Variants in TMEM132B observed in about 807,000 individuals in gnomAD.
TMEM132B encodes the protein transmembrane protein 132B.
Under a neutral mutation model 90.8 loss-of-function variants are expected in TMEM132B, and 18 were observed. The ratio of observed to expected loss-of-function variants is 0.20; its 90% CI spans 0.14 to 0.29. The LOEUF (loss-of-function observed/expected upper bound fraction) is 0.29, where lower values mean the gene tolerates loss of function less well. TMEM132B is among the 10% of genes least tolerant of loss of function. The pLI, the probability that TMEM132B is intolerant of heterozygous loss-of-function variation, is 1.00. For missense variants in TMEM132B, 1,096 were observed against 1,326.8 expected (o/e 0.83, Z 2.70); for synonymous variants, 504 against 523.3 (o/e 0.96, Z 0.50).
At chr12:125,624,534 A>C (rs1886183453) in intron 5 of TMEM132B, among the ~76,000 whole-genome samples, 1 of 152,164 alleles carries the variant, frequency 6.6e-6, no homozygotes, top group Non-Finnish European at 1.5e-5. Context: ...TACAAAGGTG[A>C]CTGGGGATTC....
intron 2 of TMEM132B, among the ~76,000 whole-genome samples, chr12:125,352,712 C>T (rs1012096858): frequency 2.6e-5 from 4 of 152,250 alleles, no homozygotes; most frequent in African/African-American, 9.6e-5. Flanking sequence ...CCTTGCTTTA[C>T]AGATGCAAAG....
intron 1 of TMEM132B, among the ~76,000 whole-genome samples, chr12:125,347,551 G>C (rs1877402881): frequency 6.6e-6 from 1 of 152,214 alleles, no homozygotes; most frequent in South Asian, 2.1e-4. Flanking sequence ...ATATTTTGCA[G>C]AATTTTTAAT....
rs538764203 is a variant in TMEM132B at position 125,481,657 on chromosome 12, C to T, written c.1107-37782C>T. Among the ~76,000 whole-genome samples, 711 of 152,216 alleles carry T rather than the reference C, an allele frequency of 4.7e-3. 7 individuals are homozygous for T. Among genetic ancestry groups the T allele is most frequent in the African/African-American group, 0.015 (634 of 41,546 alleles). The stretch of plus-strand genomic sequence containing the variant: ...GCTTATGGATAGGAAGAATCAATAT[C>T]GTGAAAATGGCCATACTGCCCAAGG... On this transcript the variant is annotated intron_variant, in intron 3 of 8. Transcript: ENST00000682704.
At chr12:125,487,130 T>C (rs1404559474) in intron 3 of TMEM132B, among the ~76,000 whole-genome samples, 1 of 152,210 alleles carries the variant, frequency 6.6e-6, no homozygotes, top group Non-Finnish European at 1.5e-5. Context: ...ATGAACCCAT[T>C]ATTCGATAGC....
intron 1 of TMEM132B, among the ~76,000 whole-genome samples, chr12:125,272,043 C>T (rs1874852103): frequency 6.6e-6 from 1 of 152,022 alleles, no homozygotes; most frequent in Non-Finnish European, 1.5e-5. Flanking sequence ...GGCTCTCAGA[C>T]AGAGACCTGC....
chr12:125,462,225 A>G (rs987068642), intron 3 of TMEM132B, among the ~76,000 whole-genome samples: 1 of 152,214 alleles, frequency 6.6e-6, no homozygotes, highest in Non-Finnish European at 1.5e-5. Flanking sequence ...TGGATTTCAA[A>G]CTGATTGACC....
At chr12:125,441,369 G>A (rs1183051506) in intron 3 of TMEM132B, among the ~76,000 whole-genome samples, 3 of 152,172 alleles carry the variant, frequency 2.0e-5, no homozygotes, top group African/African-American at 7.2e-5. Context: ...AGGTTTCCAA[G>A]TTGAAAGAAA....
At chr12:125,541,102 A>G (rs532043817) in intron 4 of TMEM132B, among the ~76,000 whole-genome samples, 11 of 152,344 alleles carry the variant, frequency 7.2e-5, no homozygotes, top group Middle Eastern at 6.8e-3. Context: ...TCACCTGGTA[A>G]GAGCGGCCTT....
At chr12:125,638,445 C>T (rs1423442839) in intron 5 of TMEM132B, among the ~76,000 whole-genome samples, 1 of 152,156 alleles carries the variant, frequency 6.6e-6, no homozygotes, top group East Asian at 1.9e-4. Context: ...AGACACAGTA[C>T]ACTTCACTAA....
intron 5 of TMEM132B, among the ~76,000 whole-genome samples, chr12:125,598,187 A>C (rs1885489243): frequency 6.6e-6 from 1 of 152,220 alleles, no homozygotes; most frequent in Admixed American, 6.5e-5. Flanking sequence ...TTGCCTTGAC[A>C]CAGCAATTAC....
In TMEM132B at chr12:125,654,530, A is replaced by G; in HGVS notation, c.3072A>G (p.Pro1024=). ...IKNEPMNSSG[P]KRKRVKFTSY... ...ATGAACCTATGAATTCTTCGGGCCCAAAGAGGAAGAGAGTCAAGTTCACTT... is the reference window on the plus strand; with the variant it reads ...ATGAACCTATGAATTCTTCGGGCCCGAAGAGGAAGAGAGTCAAGTTCACTT... Residue 1024 remains proline, a synonymous_variant, in exon 9 of 9, where the codon CCA becomes CCG. Coordinates refer to ENST00000682704, the MANE Select transcript of TMEM132B (RefSeq NM_001366854.1). The surrounding 1 kb of genome is among the most constrained non-coding windows in gnomAD (Gnocchi z 5.8). The G allele has an allele frequency of 6.2e-6, 10 of 1,614,146 alleles. No homozygotes were observed. Among genetic ancestry groups the G allele is most frequent in the Non-Finnish European group, 8.5e-6 (10 of 1,180,046 alleles).
chr12:125,211,370 C>T (rs1369361018), intron 1 of TMEM132B, among the ~76,000 whole-genome samples: 1 of 152,296 alleles, frequency 6.6e-6, no homozygotes, highest in South Asian at 2.1e-4. Flanking sequence ...AATATGTGTT[C>T]CCCAGTCATC....
chr12:125,327,120 C>T (rs1371967475), intron 1 of TMEM132B, among the ~76,000 whole-genome samples: 4 of 152,084 alleles, frequency 2.6e-5, no homozygotes, highest in Non-Finnish European at 4.4e-5. Flanking sequence ...CTCTTTTTCC[C>T]ACTCTGCATG....
chr12:125,656,007 A>G lies in TMEM132B; in HGVS notation c.*1297A>G, dbSNP rs911888501. ...CTATTCCAGAACTCAAGAAGCAGCT[A>G]TTATAGAAAAAAAAATTAAAAACCA... On this transcript the variant is annotated 3_prime_UTR_variant, in exon 9 of 9. Coordinates refer to ENST00000682704, the MANE Select transcript of TMEM132B (RefSeq NM_001366854.1). 3 of 151,938 alleles carry G rather than the reference A, an allele frequency of 2.0e-5. No individual in the cohort carries two copies. Among genetic ancestry groups the G allele is most frequent in the African/African-American group, 4.8e-5 (2 of 41,424 alleles). The allele number at this position is 151,938 out of a possible 1,614,324, so 9.4% of individuals were successfully genotyped here. A position where few individuals can be genotyped will look rare whatever the true frequency, so the allele number is the denominator to read the frequency against.
intron 1 of TMEM132B, among the ~76,000 whole-genome samples, chr12:125,210,202 G>C (rs1873288867): frequency 6.6e-6 from 1 of 152,158 alleles, no homozygotes; most frequent in Admixed American, 6.5e-5. Context: ...TCATAGATTG[G>C]GTGGTCTGAG....
At chr12:125,617,754 A>G (rs750554015) in intron 5 of TMEM132B, among the ~76,000 whole-genome samples, 1 of 152,108 alleles carries the variant, frequency 6.6e-6, no homozygotes, top group Non-Finnish European at 1.5e-5. Flanking sequence ...GTTTCTAATA[A>G]TGCCCCGGGG....
Position 125,498,697 on chromosome 12 carries a change from C to G in TMEM132B, c.1107-20742C>G, listed in dbSNP as rs916515253. ...CAGCTTACACTCCAGGCTGCGGGGTCCTTGGAACACATTTATTTACTTTGG... is the reference window on the plus strand; with the variant it reads ...CAGCTTACACTCCAGGCTGCGGGGTGCTTGGAACACATTTATTTACTTTGG... On this transcript the variant is annotated intron_variant, in intron 3 of 8. Transcript: ENST00000682704. The surrounding 1 kb of genome is among the most constrained non-coding windows in gnomAD (Gnocchi z 4.5). Among the ~76,000 whole-genome samples the G allele has an allele frequency of 1.3e-5, 2 of 152,176 alleles. No individual in the cohort carries two copies. Among genetic ancestry groups the G allele is most frequent in the African/African-American group, 4.8e-5 (2 of 41,440 alleles).
intron 4 of TMEM132B, among the ~76,000 whole-genome samples, chr12:125,539,658 T>C (rs1883902857): frequency 6.6e-6 from 1 of 152,248 alleles, no homozygotes; most frequent in African/African-American, 2.4e-5. Flanking sequence ...ATTCATAATA[T>C]TCCCCTATTA....
intron 1 of TMEM132B, among the ~76,000 whole-genome samples, chr12:125,197,063 G>C (rs975675605): frequency 2.1e-4 from 32 of 152,136 alleles, no homozygotes; most frequent in South Asian, 6.2e-4. Flanking sequence ...GTAAACTTGT[G>C]TCGTGGGGGT....
Sources: gnomAD v4.1 joint callset for allele counts (sites outside exome capture counted in the v4.1 genomes callset) on GRCh38, gnomAD v4.1.1 for gene constraint, Gnocchi (gnomAD v3.1) non-coding constraint, MANE v1.5 for transcripts, NCBI Gene and HGNC (gene_info 2026-07-23, HGNC 2026-07-21) for gene names.